MTHFD2L: variants seen among roughly 807,000 people sequenced by gnomAD.
MTHFD2L encodes the protein methylenetetrahydrofolate dehydrogenase (NADP+ dependent) 2 like.
MTHFD2L carries 29 observed loss-of-function variants against 34.9 expected under a neutral mutation model. The ratio of observed to expected loss-of-function variants is 0.83; its 90% CI spans 0.62 to 1.13. The LOEUF is 1.13. MTHFD2L is among the 50% of genes most tolerant of loss of function. The pLI is 0.00. For synonymous variants in MTHFD2L, 167 were observed against 155.7 expected (o/e 1.07, Z -0.54); for missense variants, 481 against 446.5 (o/e 1.08, Z -0.70).
intron 4 of MTHFD2L, among the ~76,000 whole-genome samples, chr4:74,200,437 A>G (rs1734233881): frequency 6.6e-6 from 1 of 152,232 alleles, no homozygotes; most frequent in South Asian, 2.1e-4. Context: ...TCCACATAGT[A>G]GTGGTATATG....
At chr4:74,129,916 C>G (rs1323930681) in intron 1 of MTHFD2L, among the ~76,000 whole-genome samples, 2 of 152,148 alleles carry the variant, frequency 1.3e-5, no homozygotes, top group South Asian at 2.1e-4. Context: ...CACCACTGAT[C>G]CCACAGAAAT....
At chr4:74,137,893 G>A (rs1032974597) in intron 1 of MTHFD2L, among the ~76,000 whole-genome samples, 1 of 152,018 alleles carries the variant, frequency 6.6e-6, no homozygotes, top group South Asian at 2.1e-4. Context: ...TCTTGTGTGG[G>A]AGCTAAAAAA....
upstream of MTHFD2L, among the ~76,000 whole-genome samples, chr4:74,153,707 T>C (rs886477269): frequency 6.6e-6 from 1 of 152,206 alleles, no homozygotes; most frequent in Non-Finnish European, 1.5e-5. Flanking sequence ...GATTCTCTTC[T>C]GGTATTGATT....
chr4:74,164,869 C>T, intron 1 of MTHFD2L: 1 of 615,054 alleles, frequency 1.6e-6, no homozygotes, highest in Non-Finnish European at 2.0e-6. Context: ...GCTAGCCCAG[C>T]AGTAGGCTGG....
chr4:74,202,224 G>T lies in MTHFD2L; in HGVS notation c.712+854G>T, dbSNP rs562739085. On this transcript the variant is annotated intron_variant, in intron 5 of 7. Transcript: ENST00000325278. Reference sequence around the variant, plus strand: ...ACCACTAGAGTGTAATTGACATTGTGGACTTCCCAAGTAGAAAGCAATTAA... The same window carrying T: ...ACCACTAGAGTGTAATTGACATTGTTGACTTCCCAAGTAGAAAGCAATTAA... 9.9e-5 allele frequency among the ~76,000 whole-genome samples: 15 copies of T among 152,254 alleles called. No homozygotes were observed. The South Asian group carries it at 3.1e-3, about 32-fold the overall frequency.
At chr4:74,139,774 C>T (rs1238082160) in intron 1 of MTHFD2L, among the ~76,000 whole-genome samples, 2 of 152,168 alleles carry the variant, frequency 1.3e-5, no homozygotes, top group South Asian at 4.1e-4. Context: ...GACATGTTCT[C>T]TTTTAATTTT....
In MTHFD2L at chr4:74,175,404, G is replaced by A; in HGVS notation, c.451+1G>A. ...ATATTAGTTCAGTTACCACTACCAGGTACATAATGCTCCTCTTATTTATCT... is the reference window on the plus strand; with the variant it reads ...ATATTAGTTCAGTTACCACTACCAGATACATAATGCTCCTCTTATTTATCT... On this transcript the variant is annotated splice_donor_variant, in intron 3 of 7. Coordinates refer to ENST00000325278, the MANE Select transcript of MTHFD2L (RefSeq NM_001144978.3). LOFTEE classifies it high-confidence loss of function. 1.2e-6 allele frequency: 2 copies of A among 1,607,148 alleles called. No homozygotes were observed. The highest frequency in any genetic ancestry group is 1.7e-6 in the Non-Finnish European group (2 of 1,177,446).
chr4:74,232,832 A>C (rs1302866622), intron 6 of MTHFD2L, among the ~76,000 whole-genome samples: 6 of 152,172 alleles, frequency 3.9e-5, no homozygotes, highest in Non-Finnish European at 5.9e-5. Context: ...TTCTTCCAAA[A>C]CAGACTTCTA....
chr4:74,292,337 T>G (rs1202007645), intron 7 of MTHFD2L, among the ~76,000 whole-genome samples: 3 of 152,250 alleles, frequency 2.0e-5, no homozygotes, highest in Non-Finnish European at 1.5e-5. Context: ...GAGAAGTGAC[T>G]AATGCTTCTG....
intron 1 of MTHFD2L, among the ~76,000 whole-genome samples, chr4:74,128,549 G>T (rs533471592): frequency 1.4e-4 from 21 of 152,010 alleles, no homozygotes; most frequent in African/African-American, 4.3e-4. Flanking sequence ...TGATATCTGG[G>T]TTCTCTATTC....
At chr4:74,134,550 T>A (rs1722773046) in intron 1 of MTHFD2L, among the ~76,000 whole-genome samples, 1 of 152,072 alleles carries the variant, frequency 6.6e-6, no homozygotes, top group Non-Finnish European at 1.5e-5. Flanking sequence ...AAATAATTAT[T>A]AATACAAATA....
chr4:74,263,185 T>C (rs1285837734), intron 6 of MTHFD2L, among the ~76,000 whole-genome samples: 1 of 152,066 alleles, frequency 6.6e-6, no homozygotes, highest in African/African-American at 2.4e-5. Flanking sequence ...TCCATTGGTC[T>C]GTGTGTCTGT....
Position 74,256,377 on chromosome 4 carries a change from G to A in MTHFD2L, c.806-25048G>A, listed in dbSNP as rs544086788. 4.0e-5 allele frequency among the ~76,000 whole-genome samples: 6 copies of A among 151,884 alleles called. No individual in the cohort carries two copies. The South Asian group carries it at 1.3e-3, about 32-fold the overall frequency. On this transcript the variant is annotated intron_variant, in intron 6 of 7. Transcript: ENST00000325278. ...CTGCCTGTCTCGGTACCTCCCAAAGGGCTGGGATTACAGGTGTGAGCCACC... is the reference window on the plus strand; with the variant it reads ...CTGCCTGTCTCGGTACCTCCCAAAGAGCTGGGATTACAGGTGTGAGCCACC...
At chr4:74,218,337 C>T (rs1737555256) in intron 5 of MTHFD2L, among the ~76,000 whole-genome samples, 1 of 152,096 alleles carries the variant, frequency 6.6e-6, no homozygotes, top group South Asian at 2.1e-4. Context: ...AAAGCTGGCA[C>T]ATGGACAGTG....
At chr4:74,283,413 TAAATC>T (rs1253840995) in intron 7 of MTHFD2L, among the ~76,000 whole-genome samples, 5 of 152,128 alleles carry the variant, frequency 3.3e-5, no homozygotes, top group Non-Finnish European at 5.9e-5. Flanking sequence ...TAATGATTAT[TAAATC>T]AAATTGTAGT....
At chr4:74,238,387 A>G (rs912258364) in intron 6 of MTHFD2L, among the ~76,000 whole-genome samples, 28 of 152,180 alleles carry the variant, frequency 1.8e-4, no homozygotes, top group African/African-American at 6.3e-4. Context: ...TGAAACCATA[A>G]AAACCCTAGA....
chr4:74,116,744 C>T (rs1408328123), intron 2 of MTHFD2L, among the ~76,000 whole-genome samples: 1 of 152,168 alleles, frequency 6.6e-6, no homozygotes, highest in East Asian at 1.9e-4. Context: ...TCTTGTATGG[C>T]CAAAACGATG....
Position 74,158,126 on chromosome 4 carries a change from G to C in MTHFD2L, c.-13G>C. 1 of 1,530,452 alleles carries C rather than the reference G, an allele frequency of 6.5e-7. No individual in the cohort carries two copies. Among genetic ancestry groups the C allele is most frequent in the Non-Finnish European group, 8.8e-7 (1 of 1,141,616 alleles). The allele number at this position is 1,530,452 out of a possible 1,614,324, so 94.8% of individuals were successfully genotyped here. On this transcript the variant is annotated 5_prime_UTR_variant, in exon 1 of 8. Transcript: ENST00000325278. ...AGGTGGAGCCCCAGTCCGGAAGCCG[G>C]GGATCCGCGGCCATGACGGTGCCGG... is the stretch of plus-strand genomic sequence containing the variant.
At chr4:74,291,492 A>G (rs1196465952) in intron 7 of MTHFD2L, among the ~76,000 whole-genome samples, 4 of 152,186 alleles carry the variant, frequency 2.6e-5, no homozygotes, top group African/African-American at 4.8e-5. Flanking sequence ...AATAGCAACT[A>G]TGTCATTAAT....
Sources: allele counts gnomAD v4.1 joint callset (sites outside exome capture counted in the v4.1 genomes callset), GRCh38; gene constraint gnomAD v4.1.1; transcripts MANE v1.5; gene names NCBI Gene and HGNC (gene_info 2026-07-23, HGNC 2026-07-21).